The following TMEM117 variants were observed in gnomAD, a reference collection of about 807,000 sequenced individuals.
The protein encoded by TMEM117 is transmembrane protein 117.
Under a neutral mutation model 52.4 loss-of-function variants are expected in TMEM117, and 27 were observed. The observed-to-expected ratio is 0.51, with a 90% CI of 0.38 to 0.71. The LOEUF (loss-of-function observed/expected upper bound fraction) is 0.71. Among genes scored for constraint, TMEM117 ranks in the 30% least tolerant of loss-of-function variants. TMEM117 has a pLI of 0.00. For synonymous variants in TMEM117, 215 were observed against 206.3 expected (o/e 1.04, Z -0.36); for missense variants, 556 against 630.5 (o/e 0.88, Z 1.26).
intron 3 of TMEM117, among the ~76,000 whole-genome samples, chr12:44,027,170 T>TTTTATTTTATTTTA (rs1565797939): frequency 2.9e-5 from 4 of 135,632 alleles, no homozygotes; most frequent in African/African-American, 1.2e-4. Context: ...TTTTATTTTA[T>TTTTATTTTATTTTA]TTTATTTTAT....
intron 6 of TMEM117, among the ~76,000 whole-genome samples, chr12:44,311,785 A>ATG (rs1168469716): frequency 5.5e-5 from 1 of 18,246 alleles, no homozygotes; most frequent in Admixed American, 7.6e-4. Context: ...ATGTGTATAT[A>ATG]TGTATATATA....
chr12:44,090,212 G>C (rs1947639328), intron 3 of TMEM117, among the ~76,000 whole-genome samples: 1 of 151,796 alleles, frequency 6.6e-6, no homozygotes, highest in African/African-American at 2.4e-5. Context: ...GATTCAGGGG[G>C]TACATGTGCA....
At chr12:44,390,928 C>G (rs75246604), downstream of TMEM117, among the ~76,000 whole-genome samples, 3 of 152,146 alleles carry the variant, frequency 2.0e-5, no homozygotes, top group African/African-American at 7.2e-5. Flanking sequence ...GACTGAGACT[C>G]TACAGAGATT....
chr12:43,952,255 C>G (rs1945236765), intron 3 of TMEM117, among the ~76,000 whole-genome samples: 1 of 152,094 alleles, frequency 6.6e-6, no homozygotes, highest in Non-Finnish European at 1.5e-5. Context: ...CACAATATCT[C>G]TCCAGCAACA....
At chr12:44,071,098 ATAAT>A (rs543884210) in intron 3 of TMEM117, among the ~76,000 whole-genome samples, 6 of 152,340 alleles carry the variant, frequency 3.9e-5, no homozygotes, top group East Asian at 3.9e-4. Context: ...TATAAATTGC[ATAAT>A]TATTTTATCA....
At position 43,982,632 on chromosome 12, in the gene TMEM117, CCTT is replaced by C. The variant is rs1945779514; in HGVS notation, c.410+38294_410+38296del. On this transcript the variant is annotated intron_variant, in intron 3 of 7. Coordinates refer to ENST00000266534, the MANE Select transcript of TMEM117 (RefSeq NM_032256.3). ...CTGCTTAGCTCATTCTGGGAGAAGA[CCTT>C]CTTTTCCTCTTAAAAATTATCTTGT... is the stretch of plus-strand genomic sequence containing the variant. Among the ~76,000 whole-genome samples, 4 of 152,106 alleles carry C rather than the reference CCTT, an allele frequency of 2.6e-5. No individual in the cohort carries two copies. The South Asian group carries it at 6.2e-4, about 24-fold the overall frequency.
chr12:44,057,953 A>G (rs1043151601), intron 3 of TMEM117, among the ~76,000 whole-genome samples: 4 of 152,234 alleles, frequency 2.6e-5, no homozygotes, highest in African/African-American at 9.6e-5. Context: ...TCAATTCACA[A>G]AGTCAGGATT....
At chr12:44,378,324 T>C (rs945541175) in intron 7 of TMEM117, among the ~76,000 whole-genome samples, 1 of 152,192 alleles carries the variant, frequency 6.6e-6, no homozygotes, top group Admixed American at 6.5e-5. Flanking sequence ...TTTGTATAAC[T>C]TTATCATTTA....
chr12:44,211,330 G>T lies in TMEM117; in HGVS notation c.551G>T (p.Trp184Leu), dbSNP rs778776073. 6.2e-7 allele frequency: 1 copy of T among 1,612,276 alleles called. No homozygotes were observed. The highest frequency in any genetic ancestry group is 1.7e-5 in the Admixed American group (1 of 59,688). ...MMLQDKPYPD[W>L]GKSARAFWKK... ...CTTCAGGACAAACCCTATCCTGACT[G>T]GGGAAAATCAGCAAGAGCTTTCTGG... Residue 184 changes from tryptophan (W) to leucine (L), a missense_variant, in exon 5 of 8, where the codon TGG becomes TTG. Trp to Leu is a moderately conservative substitution (Grantham distance 61). Coordinates refer to ENST00000266534, the MANE Select transcript of TMEM117 (RefSeq NM_032256.3).
chr12:43,977,483 T>C (rs1284880575), intron 3 of TMEM117, among the ~76,000 whole-genome samples: 1 of 152,170 alleles, frequency 6.6e-6, no homozygotes, highest in Non-Finnish European at 1.5e-5. Flanking sequence ...ACTACATACA[T>C]TACTGTTTAC....
intron 2 of TMEM117, among the ~76,000 whole-genome samples, chr12:43,864,131 G>A (rs1375196209): frequency 6.6e-6 from 1 of 152,204 alleles, no homozygotes; most frequent in East Asian, 1.9e-4. Flanking sequence ...GCCTCCCTGG[G>A]GGGCAGGGCT....
intron 6 of TMEM117, among the ~76,000 whole-genome samples, chr12:44,350,835 G>T (rs527975313): frequency 6.6e-6 from 1 of 152,134 alleles, no homozygotes; most frequent in Admixed American, 6.6e-5. Context: ...TGAGAGTGCA[G>T]ATATCTCTTT....
intron 4 of TMEM117, among the ~76,000 whole-genome samples, chr12:44,181,897 A>G (rs1484405415): frequency 2.0e-5 from 3 of 151,920 alleles, no homozygotes; most frequent in African/African-American, 7.3e-5. Flanking sequence ...GAAGAAAGGC[A>G]TTGGTAGCTT....
chr12:44,397,580 A>G, the TMEM117 span, among the ~76,000 whole-genome samples: 3 of 152,234 alleles, frequency 2.0e-5, no homozygotes, highest in Non-Finnish European at 2.9e-5. Flanking sequence ...CTGTACTTTT[A>G]TAACTGGTAT....
intron 3 of TMEM117, among the ~76,000 whole-genome samples, chr12:44,017,033 G>T (rs996158201): frequency 1.3e-5 from 2 of 152,096 alleles, no homozygotes; most frequent in Non-Finnish European, 2.9e-5. Flanking sequence ...TTGTTTATGG[G>T]TTTTTGTTTT....
intron 4 of TMEM117, among the ~76,000 whole-genome samples, chr12:44,182,098 T>G (rs1481802290): frequency 6.6e-6 from 1 of 152,166 alleles, no homozygotes; most frequent in East Asian, 1.9e-4. Flanking sequence ...TCCTAGGTAT[T>G]TTATTCTCTT....
chr12:44,379,165 A>G (rs1218969020), intron 7 of TMEM117, among the ~76,000 whole-genome samples: 1 of 151,032 alleles, frequency 6.6e-6, no homozygotes, highest in African/African-American at 2.4e-5. Flanking sequence ...GAAGAAAGGA[A>G]GGAGGGAGGG....
At chr12:43,964,486 A>C (rs921833774) in intron 3 of TMEM117, among the ~76,000 whole-genome samples, 4 of 152,152 alleles carry the variant, frequency 2.6e-5, no homozygotes, top group African/African-American at 9.7e-5. Context: ...CTTCTAACAC[A>C]CAATGTCCTT....
intron 3 of TMEM117, among the ~76,000 whole-genome samples, chr12:44,102,755 T>C (rs1947884088): frequency 6.6e-6 from 1 of 151,964 alleles, no homozygotes; most frequent in African/African-American, 2.4e-5. Flanking sequence ...TTTGGCTGTG[T>C]CCCCACCCAA....
Sources: allele counts gnomAD v4.1 joint callset (sites outside exome capture counted in the v4.1 genomes callset), GRCh38; gene constraint gnomAD v4.1.1; transcripts MANE v1.5; gene names NCBI Gene and HGNC (gene_info 2026-07-23, HGNC 2026-07-21).